Variants in CAPN1 observed in about 807,000 individuals in gnomAD.
CAPN1 encodes calpain-1 catalytic subunit.
In CAPN1, 77 loss-of-function variants were observed where a neutral mutation model predicts 105.2. That is an observed-to-expected ratio of 0.73 (90% CI 0.61 to 0.88). The LOEUF (loss-of-function observed/expected upper bound fraction) is 0.88. Ranked by LOEUF, CAPN1 falls within the 40% of genes least tolerant of loss-of-function variation. The probability of loss-of-function intolerance (pLI) is 0.00; values close to 1 mark genes in which losing one functional copy is unlikely to be tolerated. For synonymous variants in CAPN1, 355 were observed against 388.8 expected (o/e 0.91, Z 1.02); for missense variants, 833 against 976.6 (o/e 0.85, Z 1.96).
intron 12 of CAPN1, chr11:65,205,999 C>T (rs1948951020): frequency 7.3e-6 from 4 of 547,298 alleles, no homozygotes; most frequent in Admixed American, 3.2e-5. Context: ...GCCATCTACA[C>T]CAAGTAAGTG....
chr11:65,191,570 G>A (rs533624971), intron 10 of CAPN1, among the ~76,000 whole-genome samples: 2 of 152,096 alleles, frequency 1.3e-5, no homozygotes, highest in African/African-American at 4.8e-5. Context: ...TTAGAGACAG[G>A]GTTTCACCAT....
chr11:65,211,118 G>T, intron 21 of CAPN1, 142 bp from the exon 22 acceptor site: 1 of 932,308 alleles, frequency 1.1e-6, no homozygotes, highest in Non-Finnish European at 1.7e-6. Context: ...CAGGGGTGGA[G>T]GAGGTAAGAA....
Position 65,187,070 on chromosome 11 carries a change from A to G in CAPN1, c.760-145A>G, listed in dbSNP as rs942939011. On this transcript the variant is annotated intron_variant, in intron 6 of 21. Coordinates refer to ENST00000279247, the MANE Select transcript of CAPN1 (RefSeq NM_005186.4). The stretch of plus-strand genomic sequence containing the variant: ...GCAGCATCTATATGTGGGGGTGTCT[A>G]TAGGTGGGATCGGGGTCCCTGCTTG... 5 of 645,828 alleles carry G rather than the reference A, an allele frequency of 7.7e-6. 1 individual carries two copies. Among genetic ancestry groups the G allele is most frequent in the South Asian group, 7.1e-5 (4 of 56,552 alleles). 40.0% of individuals were successfully genotyped at this position (645,828 alleles called of 1,614,324 possible).
At position 65,206,637 on chromosome 11, in the gene CAPN1, G is replaced by T; in HGVS notation, c.1528G>T (p.Val510Leu). Residue 510 changes from valine to leucine, a missense_variant, in exon 13 of 22, where the codon GTG becomes TTG. Physicochemically the swap from Val to Leu is conservative, Grantham distance 32 (BLOSUM62 1). Transcript: ENST00000279247. The stretch of plus-strand genomic sequence containing the variant: ...CGAGCCCAACAAGGAGGGCGACTTC[G>T]TGCTGCGCTTCTTCTCAGAGAAGAG... ...TFEPNKEGDF[V>L]LRFFSEKSAG... The T allele has an allele frequency of 6.2e-7, 1 of 1,613,396 alleles. No individual in the cohort carries two copies. Among genetic ancestry groups the T allele is most frequent in the South Asian group, 1.1e-5 (1 of 91,080 alleles).
rs1011639088 is a variant in CAPN1 at position 65,204,539 on chromosome 11, T to G, written c.1166-144T>G. On this transcript the variant is annotated intron_variant, in intron 10 of 21. Transcript: ENST00000279247. Reference sequence around the variant, plus strand: ...GGCATGGACCGAGCCTGGCCCAGCCTGCCCATCACCCTGCATGTTCCAGGT... The same window carrying G: ...GGCATGGACCGAGCCTGGCCCAGCCGGCCCATCACCCTGCATGTTCCAGGT... 10 of 753,548 alleles carry G rather than the reference T, an allele frequency of 1.3e-5. No individual in the cohort carries two copies. The East Asian group carries it at 2.4e-4, about 18-fold the overall frequency. The allele number at this position is 753,548 out of a possible 1,614,324, so 46.7% of individuals were successfully genotyped here. A position where few individuals can be genotyped will look rare whatever the true frequency, so the allele number is the denominator to read the frequency against.
chr11:65,200,194 C>T (rs1318625923), intron 10 of CAPN1, among the ~76,000 whole-genome samples: 1 of 152,002 alleles, frequency 6.6e-6, no homozygotes, highest in East Asian at 1.9e-4. Flanking sequence ...GGACTACAGG[C>T]ACACACCACC....
intron 10 of CAPN1, among the ~76,000 whole-genome samples, chr11:65,196,997 T>A (rs1948800561): frequency 6.6e-6 from 1 of 152,180 alleles, no homozygotes. Context: ...ACTATTATTA[T>A]CCTTATCTTA....
In CAPN1 at chr11:65,211,329, G is replaced by A. The variant is rs766864680; in HGVS notation, c.*43G>A. 1.1e-5 allele frequency: 18 copies of A among 1,602,824 alleles called. No individual in the cohort carries two copies. Among genetic ancestry groups the A allele is most frequent in the East Asian group, 2.2e-5 (1 of 44,646 alleles). On this transcript the variant is annotated 3_prime_UTR_variant, in exon 22 of 22. Coordinates refer to ENST00000279247, the MANE Select transcript of CAPN1 (RefSeq NM_005186.4). Reference sequence around the variant, plus strand: ...CCTTGCCGTGCTCCCCTCCCTCCTCGTCTGCCAAGCCTCGCCTCCTACCAC... The same window carrying A: ...CCTTGCCGTGCTCCCCTCCCTCCTCATCTGCCAAGCCTCGCCTCCTACCAC...
Position 65,188,898 on chromosome 11 carries a change from A to G in CAPN1, c.1165+152A>G, listed in dbSNP as rs17880419. Among the ~76,000 whole-genome samples, 4,249 of 152,182 alleles carry G rather than the reference A, an allele frequency of 0.028. 186 individuals carry two copies. Among genetic ancestry groups the G allele is most frequent in the African/African-American group, 0.095 (3,937 of 41,500 alleles). On this transcript the variant is annotated intron_variant, in intron 10 of 21. Coordinates refer to ENST00000279247, the MANE Select transcript of CAPN1 (RefSeq NM_005186.4). This position sits in a 1 kb window ranked among gnomAD's most constrained non-coding sequence, Gnocchi z 5.5. ...GAGTAAAATATTAAATGTCCTAGTA[A>G]ATTTTAAAGAGGCATGCTTGACTCA...
chr11:65,207,340 C>T (rs988530655), intron 14 of CAPN1, among the ~76,000 whole-genome samples: 1 of 151,496 alleles, frequency 6.6e-6, no homozygotes, highest in Non-Finnish European at 1.5e-5. Context: ...GCTGGGATTA[C>T]AGGCGCACGT....
Position 65,206,011 on chromosome 11 carries a change from C to T in CAPN1, c.1353+290C>T, listed in dbSNP as rs1227723126. 9.3e-6 allele frequency: 5 copies of T among 538,772 alleles called. No homozygotes were observed. The African/African-American group carries it at 9.5e-5, about 10-fold the overall frequency. 33.4% of individuals were successfully genotyped at this position (538,772 alleles called of 1,614,324 possible). ...CTTGCCATCTACACCAAGTAAGTGC[C>T]AACTAGGGCGGTCCAGCAATGTCAG... On this transcript the variant is annotated intron_variant, in intron 12 of 21. Coordinates refer to ENST00000279247, the MANE Select transcript of CAPN1 (RefSeq NM_005186.4).
intron 12 of CAPN1, chr11:65,206,132 G>A (rs755021071): frequency 1.9e-6 from 1 of 525,174 alleles, no homozygotes; most frequent in African/African-American, 1.9e-5. Context: ...TGTAACAGCA[G>A]AACAGCAAAT....
In CAPN1 at chr11:65,200,686, G is replaced by A. The variant is rs1254831832; in HGVS notation, c.1166-3997G>A. Among the ~76,000 whole-genome samples the A allele has an allele frequency of 2.6e-5, 4 of 152,164 alleles. No individual in the cohort carries two copies. The East Asian group carries it at 7.8e-4, about 30-fold the overall frequency. On this transcript the variant is annotated intron_variant, in intron 10 of 21. Coordinates refer to ENST00000279247, the MANE Select transcript of CAPN1 (RefSeq NM_005186.4). The stretch of plus-strand genomic sequence containing the variant: ...GACAGTGTCTCATTCTGTCACCCAG[G>A]TTGGAGTGCAGTGGTGCAATCATAG...
At chr11:65,186,368 A>C (rs1420348870) in intron 6 of CAPN1, 30 bp downstream of exon 6, 1 of 1,577,140 alleles carries the variant, frequency 6.3e-7, no homozygotes, top group Admixed American at 1.8e-5. Flanking sequence ...ATGCTTTGGT[A>C]CCCTGGAACC....
chr11:65,208,145 G>T lies in CAPN1; in HGVS notation c.1671+25G>T. The T allele has an allele frequency of 6.2e-7, 1 of 1,602,408 alleles. No individual in the cohort carries two copies. The highest frequency in any genetic ancestry group is 2.3e-5 in the East Asian group (1 of 44,424). ...GGTAGGTTGGGGCATGGCAGGTTGG[G>T]AGGGGCCTGTGAGGGGCAGCCCTCT... On this transcript the variant is annotated intron_variant, in intron 15 of 21. Transcript: ENST00000279247. This position sits in a 1 kb window ranked among gnomAD's most constrained non-coding sequence, Gnocchi z 4.1.
chr11:65,208,469 G>T lies in CAPN1; in HGVS notation c.1729+207G>T. 1 of 622,912 alleles carries T rather than the reference G, an allele frequency of 1.6e-6. No homozygotes were observed. Among genetic ancestry groups the T allele is most frequent in the Non-Finnish European group, 2.9e-6 (1 of 346,940 alleles). 38.6% of individuals were successfully genotyped at this position (622,912 alleles called of 1,614,324 possible). On this transcript the variant is annotated intron_variant, in intron 16 of 21. Transcript: ENST00000279247. The surrounding 1 kb of genome is among the most constrained non-coding windows in gnomAD (Gnocchi z 4.1). ...CTGATAATCCCTGTGCTCGGGTGCT[G>T]TGCCTTTGTGGGATTAGCAGCGCAG...
chr11:65,208,881 C>T lies in CAPN1; in HGVS notation c.1730-442C>T. On this transcript the variant is annotated intron_variant, in intron 16 of 21. Coordinates refer to ENST00000279247, the MANE Select transcript of CAPN1 (RefSeq NM_005186.4). The surrounding 1 kb of genome is among the most constrained non-coding windows in gnomAD (Gnocchi z 4.1). ...GAGTGGCTTGGGGAACACCACGTGA[C>T]TGGCTTCACTCCCCAGGGCAGACAA... is the stretch of plus-strand genomic sequence containing the variant. 1 of 237,338 alleles carries T rather than the reference C, an allele frequency of 4.2e-6. No homozygotes were observed. The allele number at this position is 237,338 out of a possible 1,614,324, so 14.7% of individuals were successfully genotyped here. A position where few individuals can be genotyped will look rare whatever the true frequency, so the allele number is the denominator to read the frequency against.
At position 65,210,510 on chromosome 11, in the gene CAPN1, A is replaced by T; in HGVS notation, c.2059+58A>T. ...CTCCGTCCCAAACGCGTCCCCCAGG[A>T]GCTGGGGGGAATGACAGATGGGTGA... is the stretch of plus-strand genomic sequence containing the variant. On this transcript the variant is annotated intron_variant, in intron 20 of 21. Coordinates refer to ENST00000279247, the MANE Select transcript of CAPN1 (RefSeq NM_005186.4). This position sits in a 1 kb window ranked among gnomAD's most constrained non-coding sequence, Gnocchi z 4.3. 4.9e-6 allele frequency: 5 copies of T among 1,024,972 alleles called. No individual in the cohort carries two copies. The highest frequency in any genetic ancestry group is 7.6e-6 in the Non-Finnish European group (5 of 661,572). The allele number at this position is 1,024,972 out of a possible 1,614,324, so 63.5% of individuals were successfully genotyped here.
chr11:65,187,841 G>A (rs1948657836), intron 7 of CAPN1, 114 bp from the exon 8 acceptor site: 4 of 706,812 alleles, frequency 5.7e-6, no homozygotes, highest in Admixed American at 4.6e-5. Context: ...GCAGTGAGCT[G>A]AGATCGCACC....
Sources: gnomAD v4.1 joint callset for allele counts (sites outside exome capture counted in the v4.1 genomes callset) on GRCh38, gnomAD v4.1.1 for gene constraint, Gnocchi (gnomAD v3.1) non-coding constraint, MANE v1.5 for transcripts, NCBI Gene and HGNC (gene_info 2026-07-23, HGNC 2026-07-21) for gene names.